Variants in FAM210A observed in about 807,000 individuals in gnomAD.
FAM210A encodes mitochondrial inner membrane scaffold 1.
In FAM210A, 13 loss-of-function variants were observed where a neutral mutation model predicts 25.3. The observed-to-expected ratio is 0.51, with a 90% CI of 0.33 to 0.82. The LOEUF (loss-of-function observed/expected upper bound fraction) is 0.82. FAM210A is among the 40% of genes least tolerant of loss of function. The pLI is 0.02. For missense variants in FAM210A, 319 were observed against 323.2 expected (o/e 0.99, Z 0.10); for synonymous variants, 125 against 118.7 (o/e 1.05, Z -0.35).
chr18:13,707,199 G>C (rs911136825), intron 1 of FAM210A, among the ~76,000 whole-genome samples: 13 of 152,304 alleles, frequency 8.5e-5, no homozygotes, highest in African/African-American at 3.1e-4. Context: ...GTGGCACTAA[G>C]GCCCTAAGTT....
intron 1 of FAM210A, among the ~76,000 whole-genome samples, chr18:13,685,256 C>T (rs555912172): frequency 5.9e-5 from 9 of 151,282 alleles, no homozygotes; most frequent in South Asian, 2.1e-4. Context: ...CCCCAAAACA[C>T]GTTTCTCTGC....
At chr18:13,692,108 G>T (rs182451589) in intron 1 of FAM210A, among the ~76,000 whole-genome samples, 4 of 150,886 alleles carry the variant, frequency 2.7e-5, no homozygotes, top group African/African-American at 9.7e-5. Context: ...TGCAATCCTA[G>T]TCTCTGATTG....
chr18:13,668,387 C>T (rs1042052897), intron 3 of FAM210A, among the ~76,000 whole-genome samples: 2 of 152,180 alleles, frequency 1.3e-5, no homozygotes, highest in Non-Finnish European at 2.9e-5. Context: ...CACCTCTGAA[C>T]GTGGTGTGAC....
intron 1 of FAM210A, among the ~76,000 whole-genome samples, chr18:13,705,594 CCCGAGTGGCTGGGA>C (rs1368745364): frequency 6.6e-6 from 1 of 152,114 alleles, no homozygotes; most frequent in African/African-American, 2.4e-5. Context: ...GCCTCAGCCT[CCCGAGTGGCTGGGA>C]CTACAGGCGT....
chr18:13,721,787 C>T (rs1024063504), intron 1 of FAM210A, among the ~76,000 whole-genome samples: 4 of 152,094 alleles, frequency 2.6e-5, no homozygotes, highest in Non-Finnish European at 4.4e-5. Context: ...CTCTGAATGG[C>T]GGGCCAAAAT....
chr18:13,718,384 G>T (rs2043876477), intron 1 of FAM210A, among the ~76,000 whole-genome samples: 2 of 152,180 alleles, frequency 1.3e-5, no homozygotes, highest in African/African-American at 4.8e-5. Flanking sequence ...AGTCATAGTT[G>T]TCTGCATTAG....
rs150229406 is a variant in FAM210A, at chr18:13,692,749, T to C, written c.-28-10644A>G. 1.5e-3 allele frequency among the ~76,000 whole-genome samples: 225 copies of C among 152,280 alleles called. 3 individuals are homozygous for C. Among genetic ancestry groups the C allele is most frequent in the South Asian group, 0.014 (67 of 4,820 alleles). Reference sequence around the variant, plus strand: ...AATCTCTGGGACACAGTTAAATCAGTGTGTAGAGGGAAATTTATACACTAA... The same window carrying C: ...AATCTCTGGGACACAGTTAAATCAGCGTGTAGAGGGAAATTTATACACTAA... On this transcript the variant is annotated intron_variant, in intron 1 of 3. Transcript: ENST00000651643.
chr18:13,708,256 G>A (rs1345203919), intron 1 of FAM210A, among the ~76,000 whole-genome samples: 1 of 152,224 alleles, frequency 6.6e-6, no homozygotes, highest in Non-Finnish European at 1.5e-5. Flanking sequence ...ACAGCCAGAT[G>A]GAAGAGATGC....
At chr18:13,673,923 A>T (rs376766760) in intron 2 of FAM210A, among the ~76,000 whole-genome samples, 4 of 50,318 alleles carry the variant, frequency 7.9e-5, no homozygotes, top group Admixed American at 2.2e-4. Context: ...CTTTATTTCC[A>T]GTTTCCTGAT....
intron 2 of FAM210A, among the ~76,000 whole-genome samples, chr18:13,673,922 CA>C (rs2043467406): frequency 1.4e-5 from 1 of 70,490 alleles, no homozygotes; most frequent in African/African-American, 6.5e-5. Flanking sequence ...TCTTTATTTC[CA>C]GTTTCCTGAT....
rs575775950 is a variant in FAM210A, at chr18:13,686,030, T to C, written c.-28-3925A>G. 1.2e-4 allele frequency among the ~76,000 whole-genome samples: 19 copies of C among 152,172 alleles called. No homozygotes were observed. In the East Asian group the frequency reaches 3.7e-3, roughly 29 times the overall value. On this transcript the variant is annotated intron_variant, in intron 1 of 3. Transcript: ENST00000651643. ...TATCAACAAAACCAAAACCTAGTTC[T>C]TTGGGGAAAAAATGAATAAAATTCA...
intron 2 of FAM210A, among the ~76,000 whole-genome samples, chr18:13,674,024 A>G (rs1165136235): frequency 6.7e-6 from 1 of 150,246 alleles, no homozygotes; most frequent in African/African-American, 2.5e-5. Context: ...TTTCCTGATT[A>G]TTAACATTCC....
At position 13,663,649 on chromosome 18, in the gene FAM210A, A is replaced by G. The variant is rs1201683147; in HGVS notation, c.*2831T>C. ...TCCCCACCCGGTCAACACACCTCGC[A>G]TAAATGCAGACATGCCTTTAGCCAG... On this transcript the variant is annotated 3_prime_UTR_variant, in exon 4 of 4. Coordinates refer to ENST00000651643, the MANE Select transcript of FAM210A (RefSeq NM_152352.4). The G allele has an allele frequency of 1.3e-5, 2 of 152,072 alleles. No individual in the cohort carries two copies. The highest frequency in any genetic ancestry group is 4.8e-5 in the African/African-American group (2 of 41,404). The allele number at this position is 152,072 out of a possible 1,614,324, so 9.4% of individuals were successfully genotyped here. A position where few individuals can be genotyped will look rare whatever the true frequency, so the allele number is the denominator to read the frequency against.
intron 1 of FAM210A, among the ~76,000 whole-genome samples, chr18:13,707,834 G>A (rs951401489): frequency 2.6e-5 from 4 of 152,016 alleles, no homozygotes; most frequent in Non-Finnish European, 5.9e-5. Context: ...TAAGGCAAAC[G>A]CCGACCTGTA....
chr18:13,695,425 T>C (rs1401394540), intron 1 of FAM210A, among the ~76,000 whole-genome samples: 1 of 152,220 alleles, frequency 6.6e-6, no homozygotes, highest in Non-Finnish European at 1.5e-5. Flanking sequence ...GTATGTTTAT[T>C]GTGGCGCTAT....
chr18:13,711,999 T>C (rs1191657800), intron 1 of FAM210A, among the ~76,000 whole-genome samples: 1 of 152,078 alleles, frequency 6.6e-6, no homozygotes, highest in Non-Finnish European at 1.5e-5. Flanking sequence ...CTGTGGAGAG[T>C]ACTGTGCAAA....
rs1196875764 is a variant in FAM210A at position 13,710,074 on chromosome 18, T to G, written c.-29+16255A>C. On this transcript the variant is annotated intron_variant, in intron 1 of 3. Coordinates refer to ENST00000651643, the MANE Select transcript of FAM210A (RefSeq NM_152352.4). Reference sequence around the variant, plus strand: ...CCAAGATAATATCCCTCCCTAAAACTGATGTCCTCCTTGTTTGGGTACTGA... The same window carrying G: ...CCAAGATAATATCCCTCCCTAAAACGGATGTCCTCCTTGTTTGGGTACTGA... Among the ~76,000 whole-genome samples, 3 of 152,340 alleles carry G rather than the reference T, an allele frequency of 2.0e-5. No homozygotes were observed. In the East Asian group the frequency reaches 5.8e-4, roughly 29 times the overall value.
intron 2 of FAM210A, among the ~76,000 whole-genome samples, chr18:13,680,679 A>G (rs1398122694): frequency 6.6e-6 from 1 of 152,208 alleles, no homozygotes; most frequent in African/African-American, 2.4e-5. Context: ...ATAATCAAGC[A>G]CTGAAAACCA....
Position 13,681,854 on chromosome 18 carries a change from G to A in FAM210A, c.224C>T (p.Pro75Leu). 2 of 1,614,200 alleles carry A rather than the reference G, an allele frequency of 1.2e-6. No individual in the cohort carries two copies. Among genetic ancestry groups the A allele is most frequent in the Non-Finnish European group, 1.7e-6 (2 of 1,180,022 alleles). Residue 75 changes from proline (P) to leucine (L), a missense_variant, in exon 2 of 4, where the codon CCA becomes CTA. Transcript: ENST00000651643. ...ATGGCGAAGGACTCCTGGTTGGGGTGGATGAGCATCCAATGGCCTCCTTTC... is the reference window on the plus strand; with the variant it reads ...ATGGCGAAGGACTCCTGGTTGGGGTAGATGAGCATCCAATGGCCTCCTTTC... ...AKERRPLDAH[P>L]PQPGVLRHKQ...
Sources: allele counts gnomAD v4.1 joint callset (sites outside exome capture counted in the v4.1 genomes callset), GRCh38; gene constraint gnomAD v4.1.1; transcripts MANE v1.5; gene names NCBI Gene and HGNC (gene_info 2026-07-23, HGNC 2026-07-21).